EBF1: variants seen among roughly 807,000 people sequenced by gnomAD.
The protein encoded by EBF1 is EBF transcription factor 1, also known as transcription factor COE1.
A neutral mutation model predicts 68.4 loss-of-function variants in EBF1; 10 were observed. The observed-to-expected ratio is 0.15, with a 90% confidence interval of 0.09 to 0.25. The LOEUF (loss-of-function observed/expected upper bound fraction) is 0.25. Among genes scored for constraint, EBF1 ranks in the 10% least tolerant of loss-of-function variants. EBF1 has a pLI of 1.00. For synonymous variants in EBF1, 298 were observed against 299.8 expected (o/e 0.99, Z 0.06); for missense variants, 509 against 794.4 (o/e 0.64, Z 4.32).
intron 8 of EBF1, among the ~76,000 whole-genome samples, chr5:158,803,150 A>T (rs1056499194): frequency 6.6e-6 from 1 of 152,148 alleles, no homozygotes; most frequent in Non-Finnish European, 1.5e-5. Context: ...GGCAGAAAAC[A>T]TAAAACCCAT....
At chr5:158,796,203 A>T in intron 9 of EBF1, 142 bp downstream of exon 9, 1 of 890,996 alleles carries the variant, frequency 1.1e-6, no homozygotes, top group Non-Finnish European at 1.5e-6. Flanking sequence ...CAACTCTTCT[A>T]GTTTCCCCAA....
At chr5:158,839,702 G>A (rs1789726384) in intron 7 of EBF1, among the ~76,000 whole-genome samples, 1 of 152,054 alleles carries the variant, frequency 6.6e-6, no homozygotes, top group Non-Finnish European at 1.5e-5. Flanking sequence ...TTATTTACTG[G>A]TTTTCTACAT....
At chr5:158,981,966 T>C (rs1304921962) in intron 6 of EBF1, among the ~76,000 whole-genome samples, 1 of 152,254 alleles carries the variant, frequency 6.6e-6, no homozygotes, top group Non-Finnish European at 1.5e-5. Context: ...ATGATCTAGC[T>C]AGATAAGCCT....
chr5:158,757,988 T>C (rs1420287978), intron 10 of EBF1, among the ~76,000 whole-genome samples: 1 of 152,150 alleles, frequency 6.6e-6, no homozygotes, highest in Non-Finnish European at 1.5e-5. Context: ...TAATCACAGA[T>C]TGAGAACCAC....
intron 6 of EBF1, among the ~76,000 whole-genome samples, chr5:158,868,295 T>C (rs1418984064): frequency 1.3e-5 from 2 of 152,308 alleles, no homozygotes; most frequent in East Asian, 1.9e-4. Context: ...TTTCAACTTA[T>C]GTGTTAGAGA....
chr5:158,893,251 C>T (rs1445596997), intron 6 of EBF1, among the ~76,000 whole-genome samples: 17 of 152,078 alleles, frequency 1.1e-4, no homozygotes, highest in African/African-American at 4.1e-4. Context: ...AGCCTTTTTT[C>T]TCTTCCCCTG....
chr5:158,937,553 G>A (rs942226101), intron 6 of EBF1, among the ~76,000 whole-genome samples: 9 of 152,180 alleles, frequency 5.9e-5, no homozygotes, highest in African/African-American at 2.2e-4. Context: ...AATTGCTCAG[G>A]GTCACGCAAA....
At chr5:158,919,498 A>G (rs909942719) in intron 6 of EBF1, among the ~76,000 whole-genome samples, 1 of 152,194 alleles carries the variant, frequency 6.6e-6, no homozygotes, top group African/African-American at 2.4e-5. Flanking sequence ...ACCAAATGAA[A>G]AAGCAGATCT....
chr5:158,821,263 T>C (rs1784770418), intron 8 of EBF1, among the ~76,000 whole-genome samples: 2 of 152,184 alleles, frequency 1.3e-5, no homozygotes, highest in Admixed American at 1.3e-4. Context: ...TGAAACTAAA[T>C]TGAATTTGGG....
chr5:158,952,951 T>C (rs1164358773), intron 6 of EBF1, among the ~76,000 whole-genome samples: 1 of 152,182 alleles, frequency 6.6e-6, no homozygotes, highest in Non-Finnish European at 1.5e-5. Context: ...TTTTTAGATA[T>C]TTGGTTACCA....
chr5:159,051,039 G>C (rs944899251), intron 6 of EBF1, among the ~76,000 whole-genome samples: 2 of 152,002 alleles, frequency 1.3e-5, no homozygotes, highest in African/African-American at 4.8e-5. Context: ...TAGGAAGGGG[G>C]GAAGTGTTAA....
chr5:158,990,453 G>A (rs994633183), intron 6 of EBF1, among the ~76,000 whole-genome samples: 1 of 141,696 alleles, frequency 7.1e-6, no homozygotes, highest in African/African-American at 2.5e-5. Context: ...GAAGGCAACT[G>A]CAATAAGACA....
chr5:158,977,124 G>A (rs1756930366), intron 6 of EBF1, among the ~76,000 whole-genome samples: 2 of 152,150 alleles, frequency 1.3e-5, no homozygotes, highest in African/African-American at 2.4e-5. Context: ...GAACCAGAGT[G>A]AACCAACACA....
intron 10 of EBF1, among the ~76,000 whole-genome samples, chr5:158,766,500 T>C (rs1386817199): frequency 3.9e-5 from 6 of 152,190 alleles, no homozygotes; most frequent in Admixed American, 2.6e-4. Context: ...ATGTGAAATA[T>C]TGTAAGTAGA....
chr5:159,001,788 G>T (rs1363768116), intron 6 of EBF1, among the ~76,000 whole-genome samples: 1 of 152,182 alleles, frequency 6.6e-6, no homozygotes, highest in Non-Finnish European at 1.5e-5. Flanking sequence ...CCACAATATT[G>T]TTTGATACAG....
chr5:158,814,487 C>T (rs1460606387), intron 8 of EBF1, among the ~76,000 whole-genome samples: 1 of 152,216 alleles, frequency 6.6e-6, no homozygotes, highest in Non-Finnish European at 1.5e-5. Flanking sequence ...AGGTGTGACT[C>T]ACTCATTTAT....
At chr5:159,084,636 A>C in intron 5 of EBF1, 30 bp downstream of exon 5, 3 of 1,513,508 alleles carry the variant, frequency 2.0e-6, no homozygotes, top group Non-Finnish European at 2.7e-6. Flanking sequence ...CTCTTTGCTA[A>C]TTAACGGGAG....
chr5:158,929,203 G>A (rs759110288), intron 6 of EBF1, among the ~76,000 whole-genome samples: 9 of 152,232 alleles, frequency 5.9e-5, no homozygotes, highest in African/African-American at 1.2e-4. Context: ...GATTTAGAGC[G>A]TCCTGGTCCA....
At chr5:158,953,343 G>T (rs1313225945) in intron 6 of EBF1, among the ~76,000 whole-genome samples, 1 of 152,054 alleles carries the variant, frequency 6.6e-6, no homozygotes, top group Non-Finnish European at 1.5e-5. Context: ...ATTATGACAG[G>T]CCGCGATTTT....
Sources: allele counts gnomAD v4.1 joint callset (sites outside exome capture counted in the v4.1 genomes callset), GRCh38; gene constraint gnomAD v4.1.1; transcripts MANE v1.5; gene names NCBI Gene and HGNC (gene_info 2026-07-23, HGNC 2026-07-21).